VWA8: variants seen among roughly 807,000 people sequenced by gnomAD.
VWA8 encodes von Willebrand factor A domain-containing protein 8.
A neutral mutation model predicts 241.5 loss-of-function variants in VWA8; 221 were observed. The observed-to-expected ratio is 0.91, with a 90% CI of 0.82 to 1.02. The LOEUF (loss-of-function observed/expected upper bound fraction) is 1.02. Among genes scored for constraint, VWA8 ranks in the 50% least tolerant of loss-of-function variants. The pLI, the probability that VWA8 is intolerant of heterozygous loss-of-function variation, is 0.00. For synonymous variants in VWA8, 852 were observed against 827.1 expected, an observed-to-expected ratio of 1.03 and a Z score of -0.52; for missense variants, 2,322 against 2,328.7, an observed-to-expected ratio of 1.00 and a Z score of 0.06.
Position 41,611,615 on chromosome 13 carries a change from C to A in VWA8, c.4838G>T (p.Arg1613Ile), listed in dbSNP as rs200944707. ...EKDAVPEEVKRAAREMGQRAF... is the reference protein window; with the variant it reads ...EKDAVPEEVKIAAREMGQRAF... ...TCTCTGGCCCATCTCTCTAGCAGCT[C>A]TCTTGACCTCTTCGGGAACTGCATC... Residue 1613 changes from arginine (R) to isoleucine (I), a missense_variant, in exon 39 of 45, where the codon AGA becomes ATA. Transcript: ENST00000379310. The A allele has an allele frequency of 1.4e-4, 231 of 1,613,972 alleles. No individual in the cohort carries two copies. The highest frequency in any genetic ancestry group is 1.7e-4 in the Non-Finnish European group (203 of 1,179,962).
chr13:41,889,619 TCTGC>T, intron 5 of VWA8, among the ~76,000 whole-genome samples: 1 of 152,318 alleles, frequency 6.6e-6, no homozygotes, highest in South Asian at 2.1e-4. Flanking sequence ...CCTCAGGTGA[TCTGC>T]CTGCCTTAGC....
At chr13:41,696,479 A>G (rs974876915) in intron 29 of VWA8, among the ~76,000 whole-genome samples, 4 of 152,206 alleles carry the variant, frequency 2.6e-5, no homozygotes, top group East Asian at 1.9e-4. Flanking sequence ...TAATTTTCAA[A>G]CTAATCTTTT....
intron 42 of VWA8, among the ~76,000 whole-genome samples, chr13:41,583,154 C>T (rs150989515): frequency 4.2e-3 from 639 of 152,204 alleles, no homozygotes; most frequent in Non-Finnish European, 6.8e-3. Flanking sequence ...TCCTGCCCTG[C>T]GCATTGGCCT....
intron 2 of VWA8, among the ~76,000 whole-genome samples, chr13:41,941,186 T>G (rs1345036748): frequency 6.6e-6 from 1 of 152,184 alleles, no homozygotes; most frequent in African/African-American, 2.4e-5. Flanking sequence ...GCCTATGCTT[T>G]TAAAGTGTGT....
intron 14 of VWA8, among the ~76,000 whole-genome samples, chr13:41,823,871 G>A (rs75756201): frequency 0.015 from 2,261 of 152,238 alleles, 52 homozygotes; most frequent in African/African-American, 0.051. Context: ...TTTAGAAACC[G>A]GGTTTCACAC....
chr13:41,862,757 T>C (rs1246646383), intron 12 of VWA8, among the ~76,000 whole-genome samples: 3 of 152,080 alleles, frequency 2.0e-5, no homozygotes, highest in Admixed American at 2.0e-4. Flanking sequence ...ATGGCTATTA[T>C]TAAAAAGTCA....
intron 20 of VWA8, among the ~76,000 whole-genome samples, chr13:41,768,535 T>C (rs958875347): frequency 6.6e-6 from 1 of 152,184 alleles, no homozygotes; most frequent in Non-Finnish European, 1.5e-5. Context: ...TAAACATATG[T>C]TTATTGATTT....
Position 41,891,510 on chromosome 13 carries a change from A to G in VWA8, c.561T>C (p.Pro187=). 1.2e-6 allele frequency: 2 copies of G among 1,614,236 alleles called. No individual in the cohort carries two copies. ...GLEKAERNVL[P]VLNNLLENRE... ...TGTTTTCCAGCAAGTTGTTCAAAAC[A>G]GGCAAAACATTCCTCTCTGCCTTTT... The change falls in exon 5 of 45, where the codon CCT becomes CCC. Residue 187 remains proline, a synonymous_variant. Coordinates refer to ENST00000379310, the MANE Select transcript of VWA8 (RefSeq NM_015058.2).
chr13:41,617,593 A>G (rs1178889210), intron 37 of VWA8, among the ~76,000 whole-genome samples: 1 of 152,094 alleles, frequency 6.6e-6, no homozygotes, highest in Non-Finnish European at 1.5e-5. Flanking sequence ...GCAGTCATTA[A>G]TTCGTCATTT....
chr13:41,743,415 T>A (rs1030535454), intron 21 of VWA8, among the ~76,000 whole-genome samples: 1 of 152,168 alleles, frequency 6.6e-6, no homozygotes, highest in Non-Finnish European at 1.5e-5. Context: ...TTGGCTGTAG[T>A]CCTATTCCAA....
intron 37 of VWA8, among the ~76,000 whole-genome samples, chr13:41,616,837 G>A (rs2044623287): frequency 6.6e-6 from 1 of 152,126 alleles, no homozygotes; most frequent in East Asian, 1.9e-4. Context: ...CGCAGCTCAG[G>A]CACAAGCTTG....
chr13:41,729,923 C>A (rs2045469266), intron 22 of VWA8, among the ~76,000 whole-genome samples: 1 of 151,726 alleles, frequency 6.6e-6, no homozygotes, highest in Non-Finnish European at 1.5e-5. Flanking sequence ...CTACAGTTAT[C>A]TTTTTATTTC....
chr13:41,835,077 G>C (rs768081257), intron 12 of VWA8, among the ~76,000 whole-genome samples: 7 of 152,162 alleles, frequency 4.6e-5, no homozygotes, highest in Non-Finnish European at 1.0e-4. Flanking sequence ...ACTGGGGCCT[G>C]TCAGAGGGTG....
chr13:41,914,475 T>C lies in VWA8; in HGVS notation c.242-2307A>G, dbSNP rs541011670. Among the ~76,000 whole-genome samples the C allele has an allele frequency of 3.3e-5, 5 of 152,316 alleles. No homozygotes were observed. In the East Asian group the frequency reaches 9.7e-4, roughly 29 times the overall value. ...TCTACTTGAAGCTTAAATCAATCTT[T>C]ATAATATACAGTCTATTCTTTCTTG... On this transcript the variant is annotated intron_variant, in intron 2 of 44. Coordinates refer to ENST00000379310, the MANE Select transcript of VWA8 (RefSeq NM_015058.2).
intron 21 of VWA8, among the ~76,000 whole-genome samples, chr13:41,750,205 C>T (rs1421117141): frequency 4.0e-5 from 6 of 151,834 alleles, no homozygotes; most frequent in Non-Finnish European, 7.4e-5. Context: ...GAGGCTGAGG[C>T]GGGCAGATCA....
intron 17 of VWA8, among the ~76,000 whole-genome samples, chr13:41,800,981 T>A (rs554446418): frequency 1.5e-3 from 223 of 152,262 alleles, no homozygotes; most frequent in African/African-American, 5.1e-3. Flanking sequence ...TTATTAAAAA[T>A]GTTCTCATGT....
At chr13:41,763,953 G>A (rs1401031476) in intron 20 of VWA8, among the ~76,000 whole-genome samples, 1 of 152,128 alleles carries the variant, frequency 6.6e-6, no homozygotes, top group African/African-American at 2.4e-5. Context: ...GGAGTCTCCA[G>A]AACCCCAACC....
intron 17 of VWA8, among the ~76,000 whole-genome samples, chr13:41,790,836 G>A (rs1373317305): frequency 6.6e-6 from 1 of 151,856 alleles, no homozygotes; most frequent in Non-Finnish European, 1.5e-5. Flanking sequence ...TCACTTTATA[G>A]GGTATGAGGA....
intron 26 of VWA8, among the ~76,000 whole-genome samples, chr13:41,718,008 A>C (rs1252558968): frequency 6.6e-6 from 1 of 152,040 alleles, no homozygotes; most frequent in Non-Finnish European, 1.5e-5. Flanking sequence ...GACAATGAAT[A>C]AGTTAAACCA....
Sources: gnomAD v4.1 joint callset for allele counts (sites outside exome capture counted in the v4.1 genomes callset) on GRCh38, gnomAD v4.1.1 for gene constraint, MANE v1.5 for transcripts, NCBI Gene and HGNC (gene_info 2026-07-23, HGNC 2026-07-21) for gene names.